Variants in APBB1IP observed in about 807,000 individuals in gnomAD.
APBB1IP encodes the protein amyloid beta A4 precursor protein-binding family B member 1-interacting protein.
APBB1IP carries 27 observed loss-of-function variants against 64.9 expected under a neutral mutation model. The observed-to-expected ratio is 0.42, with a 90% confidence interval of 0.31 to 0.57. The LOEUF is 0.57. Among genes scored for constraint, APBB1IP ranks in the 20% least tolerant of loss-of-function variants. APBB1IP has a pLI of 0.20. For synonymous variants in APBB1IP, 392 were observed against 331.0 expected, an observed-to-expected ratio of 1.18 and a Z score of -2.00; for missense variants, 812 against 845.5, an observed-to-expected ratio of 0.96 and a Z score of 0.49.
chr10:26,497,721 AT>A (rs895511347), intron 4 of APBB1IP, among the ~76,000 whole-genome samples: 6,868 of 100,236 alleles, frequency 0.069, 272 homozygotes, highest in East Asian at 0.19. Context: ...TGTCCTCTGG[AT>A]TTTTTTTTTT....
intron 8 of APBB1IP, among the ~76,000 whole-genome samples, chr10:26,532,720 G>T (rs1008653349): frequency 6.6e-6 from 1 of 151,998 alleles, no homozygotes; most frequent in African/African-American, 2.4e-5. Flanking sequence ...AGACTCCAGG[G>T]TTCAAACAAT....
chr10:26,510,052 C>T (rs191301333), intron 6 of APBB1IP, among the ~76,000 whole-genome samples: 6 of 152,218 alleles, frequency 3.9e-5, no homozygotes, highest in Non-Finnish European at 5.9e-5. Flanking sequence ...TCACTGCAAC[C>T]TCTGCCTCCC....
At chr10:26,516,555 A>AAAAAAAAAAAAAAAAAAAAAAAT (rs1836332524) in intron 8 of APBB1IP, among the ~76,000 whole-genome samples, 1 of 149,352 alleles carries the variant, frequency 6.7e-6, no homozygotes, top group African/African-American at 2.5e-5. Context: ...AAAAAAAAAA[A>AAAAAAAAAAAAAAAAAAAAAAAT]AAAAAAGTAA....
intron 10 of APBB1IP, among the ~76,000 whole-genome samples, chr10:26,537,924 A>T (rs548684881): frequency 1.1e-4 from 15 of 134,182 alleles, no homozygotes; most frequent in African/African-American, 4.3e-4. Context: ...AAAGAGCAAG[A>T]CTAGGTCTCA....
intron 2 of APBB1IP, among the ~76,000 whole-genome samples, chr10:26,469,715 G>A (rs703004): frequency 0.013 from 1,929 of 152,194 alleles, 41 homozygotes; most frequent in African/African-American, 0.042. Flanking sequence ...ACTGAGCATA[G>A]TCCTGAACAT....
At chr10:26,444,588 T>G (rs1835371488) in intron 2 of APBB1IP, among the ~76,000 whole-genome samples, 1 of 152,122 alleles carries the variant, frequency 6.6e-6, no homozygotes, top group African/African-American at 2.4e-5. Context: ...AGGATGAAAT[T>G]GTCATCAACT....
At chr10:26,549,734 A>C (rs1039670667) in intron 11 of APBB1IP, among the ~76,000 whole-genome samples, 8 of 150,890 alleles carry the variant, frequency 5.3e-5, no homozygotes, top group Non-Finnish European at 7.4e-5. Context: ...AAGGTTTCTC[A>C]ATTTTATTTT....
At chr10:26,481,826 CGTGTGT>C (rs71521683) in intron 2 of APBB1IP, among the ~76,000 whole-genome samples, 2,397 of 143,234 alleles carry the variant, frequency 0.017, 24 homozygotes, top group South Asian at 0.019. Flanking sequence ...CATCTCATTA[CGTGTGT>C]GTGTGTGTGT....
At chr10:26,510,064 G>T (rs1170696201) in intron 6 of APBB1IP, among the ~76,000 whole-genome samples, 1 of 152,126 alleles carries the variant, frequency 6.6e-6, no homozygotes, top group African/African-American at 2.4e-5. Context: ...CTGCCTCCCA[G>T]TTTCAAGCGA....
chr10:26,553,758 A>G (rs1353499790), intron 11 of APBB1IP, among the ~76,000 whole-genome samples: 7 of 152,214 alleles, frequency 4.6e-5, no homozygotes, highest in Admixed American at 4.6e-4. Context: ...TTTGCATGCT[A>G]GCAGGCTTCT....
intron 2 of APBB1IP, among the ~76,000 whole-genome samples, chr10:26,481,254 G>C (rs1409402761): frequency 2.0e-5 from 3 of 152,098 alleles, no homozygotes; most frequent in African/African-American, 2.4e-5. Context: ...TCTTGCACTT[G>C]AGTCCTGGGG....
intron 6 of APBB1IP, among the ~76,000 whole-genome samples, chr10:26,510,774 AC>A (rs1398701831): frequency 2.0e-3 from 307 of 150,936 alleles, no homozygotes; most frequent in Middle Eastern, 0.014. Context: ...ACACACACAC[AC>A]AAATGAAAAT....
chr10:26,529,366 G>T (rs1336695155), intron 8 of APBB1IP, among the ~76,000 whole-genome samples: 1 of 152,170 alleles, frequency 6.6e-6, no homozygotes, highest in East Asian at 1.9e-4. Context: ...GCACAGATTT[G>T]CTTTGTGTTT....
chr10:26,546,221 A>G (rs1836763947), intron 11 of APBB1IP, among the ~76,000 whole-genome samples: 3 of 152,242 alleles, frequency 2.0e-5, no homozygotes, highest in Admixed American at 6.5e-5. Flanking sequence ...GTCTAGAAAC[A>G]TATCAGCACT....
intron 2 of APBB1IP, among the ~76,000 whole-genome samples, chr10:26,485,433 G>A (rs1264724529): frequency 6.6e-6 from 1 of 152,160 alleles, no homozygotes; most frequent in Non-Finnish European, 1.5e-5. Context: ...ATTAGTCTGG[G>A]AAGCTACTTA....
At position 26,567,136 on chromosome 10, in the gene APBB1IP, C is replaced by T. The variant is rs1837057512; in HGVS notation, c.1649C>T (p.Pro550Leu). 3 of 1,421,234 alleles carry T rather than the reference C, an allele frequency of 2.1e-6. No individual in the cohort carries two copies. Among genetic ancestry groups the T allele is most frequent in the Non-Finnish European group, 2.7e-6 (3 of 1,097,320 alleles). 88.0% of individuals were successfully genotyped at this position (1,421,234 alleles called of 1,614,324 possible). The change falls in exon 15 of 15, where the codon CCC becomes CTC. Residue 550 changes from proline to leucine, a missense_variant. This residue lies in a region of APBB1IP where 381 missense variants were observed against 352.1 expected (regional missense o/e 1.08). Coordinates refer to ENST00000376236, the MANE Select transcript of APBB1IP (RefSeq NM_019043.4). ...GGCGGCGGGGGCTTGCCCGCCCCAC[C>T]CGACGACTTCCTGCCGCCGCCGCCA... ...GTGGGGLPAP[P>L]DDFLPPPPPP...
intron 7 of APBB1IP, 148 bp downstream of exon 7, chr10:26,512,054 T>C: frequency 9.7e-7 from 1 of 1,031,290 alleles, no homozygotes; most frequent in Non-Finnish European, 1.4e-6. Flanking sequence ...GATCTCAAAA[T>C]CCTGTGCTCA....
chr10:26,459,575 T>C (rs1253962517), intron 2 of APBB1IP, among the ~76,000 whole-genome samples: 1 of 152,224 alleles, frequency 6.6e-6, no homozygotes, highest in East Asian at 1.9e-4. Flanking sequence ...GTGTTCCTAT[T>C]TCTCCACATC....
chr10:26,492,260 A>G, intron 2 of APBB1IP, 67 bp from the exon 3 acceptor site: 1 of 1,411,168 alleles, frequency 7.1e-7, no homozygotes, highest in Non-Finnish European at 1.0e-6. Flanking sequence ...AAAGAGAGGG[A>G]TGCAAAGAGT....
Sources: gnomAD v4.1 joint callset for allele counts (sites outside exome capture counted in the v4.1 genomes callset) on GRCh38, gnomAD v4.1.1 for gene constraint, gnomAD v4.1.1 regional missense constraint, MANE v1.5 for transcripts, NCBI Gene and HGNC (gene_info 2026-07-23, HGNC 2026-07-21) for gene names.